Variants in CABP7 observed in about 807,000 individuals in gnomAD.
CABP7 encodes the protein calcium-binding protein 7.
In CABP7, 13 loss-of-function variants were observed where a neutral mutation model predicts 23.1. That is an observed-to-expected ratio of 0.56 (90% confidence interval 0.37 to 0.90). CABP7 has a LOEUF of 0.90. Among genes scored for constraint, CABP7 ranks in the 40% least tolerant of loss-of-function variants. The probability of loss-of-function intolerance (pLI) is 0.01; values close to 1 mark genes in which losing one functional copy is unlikely to be tolerated. For missense variants in CABP7, 248 were observed against 295.6 expected (o/e 0.84, Z 1.18); for synonymous variants, 123 against 115.3 (o/e 1.07, Z -0.43).
Position 29,720,414 on chromosome 22 carries a change from G to T in CABP7, c.-11G>T. 6.7e-7 allele frequency: 1 copy of T among 1,490,700 alleles called. No individual in the cohort carries two copies. The allele number at this position is 1,490,700 out of a possible 1,614,324, so 92.3% of individuals were successfully genotyped here. A position where few individuals can be genotyped will look rare whatever the true frequency, so the allele number is the denominator to read the frequency against. ...AGTTTGCGGCGGGCGGGCGGGCGCG[G>T]AGCCTCCAAGATGCCGTTCCACCCG... On this transcript the variant is annotated 5_prime_UTR_variant, in exon 1 of 5. It introduces an in-frame stop codon into an upstream open reading frame of the 5' UTR. Transcript: ENST00000216144. This position sits in a 1 kb window ranked among gnomAD's most constrained non-coding sequence, Gnocchi z 5.2.
chr22:29,724,318 T>C (rs1327337979), intron 1 of CABP7, among the ~76,000 whole-genome samples: 2 of 152,168 alleles, frequency 1.3e-5, no homozygotes, highest in East Asian at 3.9e-4. Context: ...AGGCCTCTGG[T>C]CCCAGCGACC....
Position 29,727,859 on chromosome 22 carries a change from G to T in CABP7, c.253+54G>T. The T allele has an allele frequency of 6.4e-7, 1 of 1,574,656 alleles. No homozygotes were observed. The highest frequency in any genetic ancestry group is 1.2e-5 in the South Asian group (1 of 86,426). On this transcript the variant is annotated intron_variant, in intron 2 of 4. Transcript: ENST00000216144. This position sits in a 1 kb window ranked among gnomAD's most constrained non-coding sequence, Gnocchi z 4.2. ...ACCTGGCATCTGGGCCCTGGGGGTG[G>T]GGCAGGGGCTGGGGCCTGAGCTGCT...
Position 29,729,567 on chromosome 22 carries a change from T to C in CABP7, c.646T>C (p.Ter216GlnextTer69), listed in dbSNP as rs1323417311. The C allele has an allele frequency of 6.2e-7, 1 of 1,609,786 alleles. No homozygotes were observed. Among genetic ancestry groups the C allele is most frequent in the Non-Finnish European group, 8.5e-7 (1 of 1,179,842 alleles). ...ANQVLRSGMK[*>Q] ...CCAGGTGCTGCGCAGTGGCATGAAG[T>C]AGACGCCACCTGGATGCCCCATCCA... Residue 216 changes from the stop codon to glutamine, a stop_lost, in exon 5 of 5, where the codon TAG (stop) becomes CAG (glutamine). Coordinates refer to ENST00000216144, the MANE Select transcript of CABP7 (RefSeq NM_182527.3).
chr22:29,729,058 G>T lies in CABP7; in HGVS notation c.370G>T (p.Asp124Tyr). The T allele has an allele frequency of 6.2e-7, 1 of 1,610,414 alleles. No homozygotes were observed. Among genetic ancestry groups the T allele is most frequent in the South Asian group, 1.1e-5 (1 of 90,976 alleles). ...CCGTGTTGTCCCCCTCCGCAAGTGC[G>T]ACATGCAGAAGCTGACGGTGGATGA... Reference protein sequence around the residue: ...TDFDTVFWKCDMQKLTVDELK... With the variant: ...TDFDTVFWKCYMQKLTVDELK... The change falls in exon 4 of 5, where the codon GAC becomes TAC. Residue 124 changes from aspartate (D) to tyrosine (Y), a missense_variant. Coordinates refer to ENST00000216144, the MANE Select transcript of CABP7 (RefSeq NM_182527.3).
Position 29,727,567 on chromosome 22 carries a change from A to G in CABP7, c.110-95A>G, listed in dbSNP as rs968939919. The G allele has an allele frequency of 7.9e-6, 12 of 1,516,430 alleles. No individual in the cohort carries two copies. The highest frequency in any genetic ancestry group is 1.1e-5 in the Non-Finnish European group (12 of 1,100,802). The allele number at this position is 1,516,430 out of a possible 1,614,324, so 93.9% of individuals were successfully genotyped here. ...GGCTCTGGGTTGGGCTCTCAAGGCC[A>G]TGCTCAGGCTGCAGGGTCGGTGATC... On this transcript the variant is annotated intron_variant, in intron 1 of 4. Coordinates refer to ENST00000216144, the MANE Select transcript of CABP7 (RefSeq NM_182527.3). The surrounding 1 kb of genome is among the most constrained non-coding windows in gnomAD (Gnocchi z 4.2).
chr22:29,727,517 G>C lies in CABP7; in HGVS notation c.110-145G>C, dbSNP rs767525325. On this transcript the variant is annotated intron_variant, in intron 1 of 4. Coordinates refer to ENST00000216144, the MANE Select transcript of CABP7 (RefSeq NM_182527.3). The surrounding 1 kb of genome is among the most constrained non-coding windows in gnomAD (Gnocchi z 4.2). ...GAATACGGCACCCTTGTGCACCCTC[G>C]GGCCATGCTCTCACCAGATCTGCAG... 1.2e-4 allele frequency: 121 copies of C among 1,026,718 alleles called. No individual in the cohort carries two copies. Among genetic ancestry groups the C allele is most frequent in the Non-Finnish European group, 1.7e-4 (113 of 683,630 alleles). The allele number at this position is 1,026,718 out of a possible 1,614,324, so 63.6% of individuals were successfully genotyped here. A position where few individuals can be genotyped will look rare whatever the true frequency, so the allele number is the denominator to read the frequency against.
At position 29,731,502 on chromosome 22, in the gene CABP7, C is replaced by A; in HGVS notation, c.*1933C>A. 9.0e-7 allele frequency: 1 copy of A among 1,110,108 alleles called. No individual in the cohort carries two copies. The highest frequency in any genetic ancestry group is 1.2e-6 in the Non-Finnish European group (1 of 818,596). The allele number at this position is 1,110,108 out of a possible 1,614,324, so 68.8% of individuals were successfully genotyped here. On this transcript the variant is annotated 3_prime_UTR_variant, in exon 5 of 5. Coordinates refer to ENST00000216144, the MANE Select transcript of CABP7 (RefSeq NM_182527.3). The stretch of plus-strand genomic sequence containing the variant: ...TGGAAGGCAGAGCCTCGAAAATAGG[C>A]AGACCGTTTGAGCCAGCGACCTCAC...
Position 29,731,424 on chromosome 22 carries a change from A to T in CABP7, c.*1855A>T. On this transcript the variant is annotated 3_prime_UTR_variant, in exon 5 of 5. Coordinates refer to ENST00000216144, the MANE Select transcript of CABP7 (RefSeq NM_182527.3). ...CCCAGGCTTATGCCACCCCCAGCCC[A>T]CCTGCCTCACCACCCTGGCTGTGGG... is the stretch of plus-strand genomic sequence containing the variant. The T allele has an allele frequency of 2.0e-6, 3 of 1,501,002 alleles. No individual in the cohort carries two copies. Among genetic ancestry groups the T allele is most frequent in the South Asian group, 2.8e-5 (2 of 72,352 alleles). 93.0% of individuals were successfully genotyped at this position (1,501,002 alleles called of 1,614,324 possible). A position where few individuals can be genotyped will look rare whatever the true frequency, so the allele number is the denominator to read the frequency against.
In CABP7 at chr22:29,729,044, C is replaced by G. The variant is rs1198423145; in HGVS notation, c.367-11C>G. On this transcript the variant is annotated splice_polypyrimidine_tract_variant and intron_variant, in intron 3 of 4. Transcript: ENST00000216144. ...TGGCTCTCAGAGCACCGTGTTGTCC[C>G]CCTCCGCAAGTGCGACATGCAGAAG... 2 of 1,600,292 alleles carry G rather than the reference C, an allele frequency of 1.2e-6. No individual in the cohort carries two copies. Among genetic ancestry groups the G allele is most frequent in the Non-Finnish European group, 1.7e-6 (2 of 1,178,084 alleles).
Position 29,730,847 on chromosome 22 carries a change from G to A in CABP7, c.*1278G>A, listed in dbSNP as rs182886551. On this transcript the variant is annotated 3_prime_UTR_variant, in exon 5 of 5. Coordinates refer to ENST00000216144, the MANE Select transcript of CABP7 (RefSeq NM_182527.3). Reference sequence around the variant, plus strand: ...GGTCCCAAGGGAGAAGGGAGTGAGCGTGGGTCACCTGGGGAAAATCTCATC... The same window carrying A: ...GGTCCCAAGGGAGAAGGGAGTGAGCATGGGTCACCTGGGGAAAATCTCATC... 7.0e-4 allele frequency: 112 copies of A among 159,778 alleles called. No individual in the cohort carries two copies. Among genetic ancestry groups the A allele is most frequent in the African/African-American group, 2.1e-3 (88 of 41,894 alleles). 9.9% of individuals were successfully genotyped at this position (159,778 alleles called of 1,614,324 possible).
intron 1 of CABP7, among the ~76,000 whole-genome samples, chr22:29,723,187 G>T (rs2067773904): frequency 6.6e-6 from 1 of 152,186 alleles, no homozygotes; most frequent in South Asian, 2.1e-4. Context: ...GGGTGTGCAG[G>T]AGGCTGAGCC....
In CABP7 at chr22:29,729,195, C is replaced by G. The variant is rs569823731; in HGVS notation, c.507C>G (p.Pro169=). The change falls in exon 4 of 5, where the codon CCC becomes CCG. Residue 169 remains proline, a synonymous_variant. Coordinates refer to ENST00000216144, the MANE Select transcript of CABP7 (RefSeq NM_182527.3). The part of the protein sequence containing the change: ...ESHLGTAEEC[P]VDVETCSNQQ... Reference sequence around the variant, plus strand: ...ACCTGGGCACAGCCGAGGAGTGTCCCGTGGATGTGGAGAGTGAGTGGCTGG... The same window carrying G: ...ACCTGGGCACAGCCGAGGAGTGTCCGGTGGATGTGGAGAGTGAGTGGCTGG... 1.2e-6 allele frequency: 2 copies of G among 1,607,868 alleles called. No individual in the cohort carries two copies. The highest frequency in any genetic ancestry group is 2.7e-5 in the African/African-American group (2 of 74,894).
At chr22:29,724,745 G>A (rs1018271474) in intron 1 of CABP7, among the ~76,000 whole-genome samples, 8 of 152,204 alleles carry the variant, frequency 5.3e-5, no homozygotes, top group Non-Finnish European at 8.8e-5. Context: ...AGGTGGCAGT[G>A]TGTGGATTTA....
intron 1 of CABP7, among the ~76,000 whole-genome samples, chr22:29,724,601 C>T (rs1486315810): frequency 6.6e-6 from 1 of 152,188 alleles, no homozygotes; most frequent in Non-Finnish European, 1.5e-5. Context: ...GAAGGTGGTG[C>T]CTGAACCCGG....
chr22:29,725,845 C>T (rs950007280), intron 1 of CABP7, among the ~76,000 whole-genome samples: 3 of 152,170 alleles, frequency 2.0e-5, no homozygotes, highest in African/African-American at 4.8e-5. Flanking sequence ...TGTGGCCGGG[C>T]GAGGAGGCCA....
In CABP7 at chr22:29,729,475, TG is replaced by T; in HGVS notation, c.555del (p.Arg186AlafsTer29). On this transcript the variant is annotated frameshift_variant, in exon 5 of 5. Coordinates refer to ENST00000216144, the MANE Select transcript of CABP7 (RefSeq NM_182527.3). LOFTEE classifies it high-confidence loss of function. Reference sequence around the variant, plus strand: ...AACCAGCAGATCCGCCAGACTTGCGTGCGCAAGAGTCTCATCTGCGCCTTCG... The same window carrying T: ...AACCAGCAGATCCGCCAGACTTGCGTCGCAAGAGTCTCATCTGCGCCTTCG... ...CSNQQIRQTC[V>X]RKSLICAFAI... The T allele has an allele frequency of 6.2e-7, 1 of 1,611,818 alleles. No individual in the cohort carries two copies. The highest frequency in any genetic ancestry group is 8.5e-7 in the Non-Finnish European group (1 of 1,179,986).
intron 1 of CABP7, among the ~76,000 whole-genome samples, chr22:29,726,682 G>T (rs2067797586): frequency 6.6e-6 from 1 of 152,226 alleles, no homozygotes; most frequent in Admixed American, 6.5e-5. Context: ...TTAGGCAAAG[G>T]CCAGGTGGCT....
In CABP7 at chr22:29,729,877, C is replaced by T. The variant is rs2067826343; in HGVS notation, c.*308C>T. 2.5e-6 allele frequency: 1 copy of T among 392,484 alleles called. No individual in the cohort carries two copies. 24.3% of individuals were successfully genotyped at this position (392,484 alleles called of 1,614,324 possible). A position where few individuals can be genotyped will look rare whatever the true frequency, so the allele number is the denominator to read the frequency against. ...CTGGGAAATTAAGGAGGGATTTGCACAGGAACCCCCAGGACCCAGTCGCTG... is the reference window on the plus strand; with the variant it reads ...CTGGGAAATTAAGGAGGGATTTGCATAGGAACCCCCAGGACCCAGTCGCTG... On this transcript the variant is annotated 3_prime_UTR_variant, in exon 5 of 5. Coordinates refer to ENST00000216144, the MANE Select transcript of CABP7 (RefSeq NM_182527.3).
Position 29,724,525 on chromosome 22 carries a change from C to T in CABP7, c.110-3137C>T, listed in dbSNP as rs186259255. Among the ~76,000 whole-genome samples the T allele has an allele frequency of 9.8e-5, 15 of 152,318 alleles. No homozygotes were observed. In the East Asian group the frequency reaches 2.9e-3, roughly 29 times the overall value. Reference sequence around the variant, plus strand: ...CAAATACCTGCCCAAGGTCACCCTGCCAGGATGTAGGAGAGCTGGGACTTG... The same window carrying T: ...CAAATACCTGCCCAAGGTCACCCTGTCAGGATGTAGGAGAGCTGGGACTTG... On this transcript the variant is annotated intron_variant, in intron 1 of 4. Coordinates refer to ENST00000216144, the MANE Select transcript of CABP7 (RefSeq NM_182527.3).
Sources: allele counts gnomAD v4.1 joint callset (sites outside exome capture counted in the v4.1 genomes callset), GRCh38; gene constraint gnomAD v4.1.1; non-coding constraint Gnocchi (gnomAD v3.1); transcripts MANE v1.5; gene names NCBI Gene and HGNC (gene_info 2026-07-23, HGNC 2026-07-21).